ACE: variants seen among roughly 807,000 people sequenced by gnomAD.
The protein encoded by ACE is angiotensin-converting enzyme.
ACE carries 122 observed loss-of-function variants against 162.3 expected under a neutral mutation model. That is an observed-to-expected ratio of 0.75 (90% CI 0.65 to 0.87). The LOEUF (loss-of-function observed/expected upper bound fraction) is 0.87, where lower values mean the gene tolerates loss of function less well. Among genes scored for constraint, ACE ranks in the 40% least tolerant of loss-of-function variants. The probability of loss-of-function intolerance (pLI) is 0.00; values close to 1 mark genes in which losing one functional copy is unlikely to be tolerated. For synonymous variants in ACE, 796 were observed against 720.6 expected (o/e 1.10, Z -1.68); for missense variants, 1,799 against 1,735.1 (o/e 1.04, Z -0.65).
Position 63,489,094 on chromosome 17 carries a change from A to G in ACE, c.2603A>G (p.His868Arg). The G allele has an allele frequency of 6.2e-7, 1 of 1,613,030 alleles. No homozygotes were observed. Among genetic ancestry groups the G allele is most frequent in the Non-Finnish European group, 8.5e-7 (1 of 1,180,036 alleles). Reference sequence around the variant, plus strand: ...CTGCACCGTCACTACGGGGCCCAGCACATCAACCTGGAGGGGCCCATTCCT... The same window carrying G: ...CTGCACCGTCACTACGGGGCCCAGCGCATCAACCTGGAGGGGCCCATTCCT... ...RALHRHYGAQ[H>R]INLEGPIPAH... Residue 868 changes from histidine to arginine, a missense_variant, in exon 17 of 25, where the codon CAC (histidine) becomes CGC (arginine). By Grantham distance (29) the His-to-Arg change is conservative. Transcript: ENST00000290866.
intron 8 of ACE, 138 bp from the exon 9 acceptor site, chr17:63,482,891 C>T (rs1184850444): frequency 5.3e-6 from 6 of 1,122,880 alleles, no homozygotes; most frequent in Non-Finnish European, 6.7e-6. Flanking sequence ...CCAAGCAGGG[C>T]CCAGGGTCTC....
rs887305522 is a variant in ACE, at chr17:63,477,094, C to T, written c.-1C>T. ...CAGAGCCGAGCACCGCGCACCGCGT[C>T]ATGGGGGCCGCCTCGGGCCGCCGGG... On this transcript the variant is annotated 5_prime_UTR_variant, in exon 1 of 25. Coordinates refer to ENST00000290866, the MANE Select transcript of ACE (RefSeq NM_000789.4). 9.9e-6 allele frequency: 13 copies of T among 1,308,514 alleles called. No homozygotes were observed. The highest frequency in any genetic ancestry group is 4.3e-5 in the Admixed American group (1 of 23,518). 81.1% of individuals were successfully genotyped at this position (1,308,514 alleles called of 1,614,324 possible). A position where few individuals can be genotyped will look rare whatever the true frequency, so the allele number is the denominator to read the frequency against.
intron 4 of ACE, among the ~76,000 whole-genome samples, 158 bp from the exon 5 acceptor site, chr17:63,480,179 G>A (rs2049682858): frequency 6.6e-6 from 1 of 152,208 alleles, no homozygotes; most frequent in South Asian, 2.1e-4. Context: ...TTAGCTGGCT[G>A]TAGCTAATTA....
chr17:63,492,634 G>A (rs1054873474), intron 19 of ACE, among the ~76,000 whole-genome samples: 2 of 152,170 alleles, frequency 1.3e-5, no homozygotes, highest in Admixed American at 6.5e-5. Flanking sequence ...CCCCCTCCCC[G>A]ATGAGAATGA....
intron 8 of ACE, 112 bp from the exon 9 acceptor site, chr17:63,482,917 C>T: frequency 7.9e-7 from 1 of 1,258,956 alleles, no homozygotes; most frequent in East Asian, 2.3e-5. Flanking sequence ...CCAGCCATAC[C>T]TTCTCTGCAT....
In ACE at chr17:63,496,981, C is replaced by G; in HGVS notation, c.3687C>G (p.Asn1229Lys). ...GGCCGCAGTACAACTGGACGCCGAACTCCGGTACCGCCACCCACCCCACCT... is the reference window on the plus strand; with the variant it reads ...GGCCGCAGTACAACTGGACGCCGAAGTCCGGTACCGCCACCCACCCCACCT... ...LGWPQYNWTP[N>K]SARSEGPLPD... is the part of the protein sequence containing the mutation. Residue 1229 changes from asparagine (N) to lysine (K), a missense_variant, in exon 24 of 25, where the codon AAC becomes AAG. Transcript: ENST00000290866. 1.2e-6 allele frequency: 2 copies of G among 1,609,716 alleles called. No homozygotes were observed. Among genetic ancestry groups the G allele is most frequent in the Non-Finnish European group, 1.7e-6 (2 of 1,178,916 alleles).
chr17:63,478,173 C>T, intron 2 of ACE, 75 bp downstream of exon 2: 2 of 1,527,294 alleles, frequency 1.3e-6, no homozygotes. Context: ...GAGAGCAGCC[C>T]ATCAGGGAGG....
chr17:63,496,773 G>GCCTC (rs761191376), intron 23 of ACE, 25 bp from the exon 24 acceptor site: 12 of 1,609,656 alleles, frequency 7.5e-6, no homozygotes, highest in Middle Eastern at 1.7e-4. Flanking sequence ...TTCTGACTCT[G>GCCTC]CCTCCCTGTC....
chr17:63,480,452 C>G lies in ACE; in HGVS notation c.771C>G (p.Phe257Leu), dbSNP rs780365048. 23 of 1,613,992 alleles carry G rather than the reference C, an allele frequency of 1.4e-5. No homozygotes were observed. Among genetic ancestry groups the G allele is most frequent in the Non-Finnish European group, 1.9e-5 (22 of 1,180,040 alleles). ...LEPLYLNLHA[F>L]VRRALHRRYG... ...CCCTCTACCTGAACCTCCATGCCTT[C>G]GTCCGCCGCGCACTGCATCGCCGAT... Residue 257 changes from phenylalanine (F) to leucine (L), a missense_variant, in exon 5 of 25, where the codon TTC becomes TTG. Physicochemically the swap from Phe to Leu is conservative, Grantham distance 22. Transcript: ENST00000290866.
intron 17 of ACE, among the ~76,000 whole-genome samples, chr17:63,489,499 G>T (rs571165749): frequency 6.6e-6 from 1 of 152,132 alleles, no homozygotes; most frequent in African/African-American, 2.4e-5. Context: ...GCAGGGCCTC[G>T]GAAGATGACA....
rs34680431 is a variant in ACE at position 63,481,658 on chromosome 17, G to A, written c.1038G>A (p.Ser346=). Residue 346 remains serine (S), a synonymous_variant, in exon 7 of 25, where the codon TCG becomes TCA. Coordinates refer to ENST00000290866, the MANE Select transcript of ACE (RefSeq NM_000789.4). ...TGCCTCCCGAGTTCTGGGAAGGGTC[G>A]ATGCTGGAGAAGCCGGCCGACGGGC... ...SPMPPEFWEG[S]MLEKPADGRE... is the part of the protein sequence containing the mutation. 1.5e-5 allele frequency: 25 copies of A among 1,614,062 alleles called. No individual in the cohort carries two copies. The highest frequency in any genetic ancestry group is 2.1e-5 in the Non-Finnish European group (25 of 1,180,004).
chr17:63,496,618 T>G, intron 23 of ACE, 102 bp downstream of exon 23: 1 of 1,606,024 alleles, frequency 6.2e-7, no homozygotes, highest in South Asian at 1.1e-5. Flanking sequence ...CTTGCCATTT[T>G]GAGCCGGGAA....
At chr17:63,496,162 CTG>C in intron 22 of ACE, 1 of 578,476 alleles carries the variant, frequency 1.7e-6, no homozygotes, top group Non-Finnish European at 3.1e-6. Context: ...GGAGGCAGCT[CTG>C]TGGGTGGGAG....
chr17:63,487,123 TG>T (rs1174219638), intron 15 of ACE, 50 bp downstream of exon 15: 1 of 1,538,848 alleles, frequency 6.5e-7, no homozygotes, highest in African/African-American at 1.4e-5. Flanking sequence ...GGGACTGGCA[TG>T]GGGCCCGGGG....
rs768818130 is a variant in ACE, at chr17:63,483,097, G to A, written c.1411G>A (p.Val471Met). 3 of 1,614,148 alleles carry A rather than the reference G, an allele frequency of 1.9e-6. No individual in the cohort carries two copies. Among genetic ancestry groups the A allele is most frequent in the East Asian group, 2.2e-5 (1 of 44,878 alleles). Residue 471 changes from valine (V) to methionine (M), a missense_variant, in exon 9 of 25, where the codon GTG becomes ATG. Val to Met is a conservative substitution (Grantham distance 21, BLOSUM62 1). Coordinates refer to ENST00000290866, the MANE Select transcript of ACE (RefSeq NM_000789.4). ...TGCCTTCCTGCCCTTTGGCTACTTG[G>A]TGGACCAGTGGCGCTGGGGGGTCTT... ...KIAFLPFGYLVDQWRWGVFSG... is the reference protein window; with the variant it reads ...KIAFLPFGYLMDQWRWGVFSG...
At position 63,482,466 on chromosome 17, in the gene ACE, G is replaced by T. The variant is rs189243320; in HGVS notation, c.1119G>T (p.Arg373Ser). Residue 373 changes from arginine to serine, a missense_variant and splice_region_variant, in exon 8 of 25, where the codon AGG (arginine) becomes AGT (serine). By Grantham distance (110) the Arg-to-Ser change is moderately radical. Transcript: ENST00000290866. ...CACCCTCGCCCTCTCTACGCCCCAG[G>T]ATCAAGCAGTGCACACGGGTCACGA... The part of the protein sequence containing the change: ...AWDFYNRKDF[R>S]IKQCTRVTMD... 6.8e-6 allele frequency: 11 copies of T among 1,613,808 alleles called. No individual in the cohort carries two copies. The East Asian group carries it at 2.5e-4, about 36-fold the overall frequency.
chr17:63,483,861 T>C lies in ACE; in HGVS notation c.1599T>C (p.Ser533=), dbSNP rs775881026. The change falls in exon 11 of 25, where the codon AGT becomes AGC. Residue 533 remains serine, a synonymous_variant. Coordinates refer to ENST00000290866, the MANE Select transcript of ACE (RefSeq NM_000789.4). ...CCTGTGCCTGCAGGTACTTTGTGAG[T>C]TTTGTCCTGCAGTTCCAGTTCCATG... ...NVTPYIRYFV[S]FVLQFQFHEA... is the part of the protein sequence containing the mutation. 21 of 1,613,898 alleles carry C rather than the reference T, an allele frequency of 1.3e-5. No homozygotes were observed. The highest frequency in any genetic ancestry group is 1.8e-5 in the Non-Finnish European group (21 of 1,179,998).
chr17:63,490,448 C>G (rs1352556379), intron 17 of ACE: 1 of 207,600 alleles, frequency 4.8e-6, no homozygotes, highest in Non-Finnish European at 9.9e-6. Flanking sequence ...GCCAGCCTTT[C>G]AATCCCAGCC....
chr17:63,497,811 G>A lies in ACE; in HGVS notation c.*445G>A, dbSNP rs1334973622. 3 of 347,904 alleles carry A rather than the reference G, an allele frequency of 8.6e-6. No homozygotes were observed. The highest frequency in any genetic ancestry group is 7.9e-5 in the East Asian group (1 of 12,728). The allele number at this position is 347,904 out of a possible 1,614,324, so 21.6% of individuals were successfully genotyped here. On this transcript the variant is annotated 3_prime_UTR_variant, in exon 25 of 25. Coordinates refer to ENST00000290866, the MANE Select transcript of ACE (RefSeq NM_000789.4). ...GTCTTCCCTCCAGCCCAGGCAGCCC[G>A]CCACTGTCCTGCCACCGCAGGCAGC...
Sources: allele counts gnomAD v4.1 joint callset (sites outside exome capture counted in the v4.1 genomes callset), GRCh38; gene constraint gnomAD v4.1.1; transcripts MANE v1.5; gene names NCBI Gene and HGNC (gene_info 2026-07-23, HGNC 2026-07-21).